SMYD4: variants seen among roughly 807,000 people sequenced by gnomAD.
SMYD4 encodes SET and MYND domain containing 4, also known as protein-lysine N-methyltransferase SMYD4.
A neutral mutation model predicts 72.8 loss-of-function variants in SMYD4; 68 were observed. The ratio of observed to expected loss-of-function variants is 0.93; its 90% CI spans 0.77 to 1.14. The LOEUF is 1.14. Among genes scored for constraint, SMYD4 ranks in the 50% most tolerant of loss-of-function variants. SMYD4 has a pLI of 0.00. For missense variants in SMYD4, 984 were observed against 1,003.7 expected (o/e 0.98, Z 0.27); for synonymous variants, 407 against 388.6 (o/e 1.05, Z -0.56).
At chr17:1,824,518 G>T (rs1040119363) in intron 2 of SMYD4, among the ~76,000 whole-genome samples, 1 of 152,116 alleles carries the variant, frequency 6.6e-6, no homozygotes, top group Non-Finnish European at 1.5e-5. Flanking sequence ...CTGTGTTGTC[G>T]GAGGGACCTG....
At chr17:1,822,226 T>C (rs1054827732) in intron 2 of SMYD4, among the ~76,000 whole-genome samples, 1 of 152,054 alleles carries the variant, frequency 6.6e-6, no homozygotes, top group Admixed American at 6.6e-5. Flanking sequence ...AGAGTGAGAC[T>C]CTGACTCAAC....
intron 4 of SMYD4, among the ~76,000 whole-genome samples, chr17:1,803,037 A>AC (rs1231911277): frequency 2.6e-5 from 4 of 152,170 alleles, no homozygotes; most frequent in Non-Finnish European, 5.9e-5. Context: ...CCAGCTACTC[A>AC]GAGGCTGAGG....
chr17:1,813,793 C>T (rs1332493530), intron 2 of SMYD4, among the ~76,000 whole-genome samples: 1 of 149,968 alleles, frequency 6.7e-6, no homozygotes, highest in Non-Finnish European at 1.5e-5. Flanking sequence ...AAATGCTCTA[C>T]AAAATTAATA....
rs997249038 is a variant in SMYD4 at position 1,779,824 on chromosome 17, TTC to T, written c.*1460_*1461del. 45 of 152,778 alleles carry T rather than the reference TTC, an allele frequency of 2.9e-4. 1 individual carries two copies. Among genetic ancestry groups the T allele is most frequent in the Admixed American group, 2.5e-3 (39 of 15,298 alleles). 9.5% of individuals were successfully genotyped at this position (152,778 alleles called of 1,614,324 possible). A position where few individuals can be genotyped will look rare whatever the true frequency, so the allele number is the denominator to read the frequency against. On this transcript the variant is annotated 3_prime_UTR_variant, in exon 11 of 11. Transcript: ENST00000305513. ...GGCTTGCTGATTTCTTGTTTTATAATTCTTTTTTAATTACAATGTAACTACTA... is the reference window on the plus strand; with the variant it reads ...GGCTTGCTGATTTCTTGTTTTATAATTTTTTTAATTACAATGTAACTACTA...
Position 1,783,177 on chromosome 17 carries a change from C to G in SMYD4, c.2138-19G>C. ...CAGTCTCCTGTGAGAAGAGAAAAATCTTGTTCCAGAAAAGAACCACTGTCA... is the reference window on the plus strand; with the variant it reads ...CAGTCTCCTGTGAGAAGAGAAAAATGTTGTTCCAGAAAAGAACCACTGTCA... On this transcript the variant is annotated intron_variant, in intron 9 of 10. Coordinates refer to ENST00000305513, the MANE Select transcript of SMYD4 (RefSeq NM_052928.3). 6.2e-7 allele frequency: 1 copy of G among 1,613,904 alleles called. No individual in the cohort carries two copies. The highest frequency in any genetic ancestry group is 8.5e-7 in the Non-Finnish European group (1 of 1,179,982).
At chr17:1,815,641 C>G (rs1392755297) in intron 2 of SMYD4, among the ~76,000 whole-genome samples, 1 of 144,096 alleles carries the variant, frequency 6.9e-6, no homozygotes, top group Non-Finnish European at 1.5e-5. Context: ...CCAGTCAGCA[C>G]AGCAAGACCC....
chr17:1,801,047 A>G (rs371451561), intron 4 of SMYD4, 23 bp from the exon 5 acceptor site: 21 of 1,574,466 alleles, frequency 1.3e-5, no homozygotes, highest in Non-Finnish European at 1.6e-5. Context: ...AGAAAATCCC[A>G]CAATGACCCT....
chr17:1,813,590 A>G (rs868401512), intron 2 of SMYD4, among the ~76,000 whole-genome samples: 4 of 151,834 alleles, frequency 2.6e-5, no homozygotes, highest in Non-Finnish European at 5.9e-5. Flanking sequence ...AATTTTTTGT[A>G]TATTTAGTAG....
At chr17:1,799,651 G>C (rs1379237401) in intron 5 of SMYD4, among the ~76,000 whole-genome samples, 2 of 152,106 alleles carry the variant, frequency 1.3e-5, no homozygotes, top group African/African-American at 4.8e-5. Context: ...TGGGATTATA[G>C]GAGTGGGCCA....
chr17:1,783,996 T>C (rs1191494752), intron 8 of SMYD4: 2 of 323,744 alleles, frequency 6.2e-6, no homozygotes, highest in Non-Finnish European at 5.8e-6. Flanking sequence ...CACTAGGCCC[T>C]GGAATTAAAA....
rs371802508 is a variant in SMYD4 at position 1,782,998 on chromosome 17, A to G, written c.2261+37T>C. The stretch of plus-strand genomic sequence containing the variant: ...AATACCCAGAAGAGCCTAGGAAAGG[A>G]ACAGTGTGTGCCCTGTGAAGTGGGA... On this transcript the variant is annotated intron_variant, in intron 10 of 10. Transcript: ENST00000305513. 30 of 1,589,194 alleles carry G rather than the reference A, an allele frequency of 1.9e-5. No homozygotes were observed. The African/African-American group carries it at 4.0e-4, about 21-fold the overall frequency.
At chr17:1,794,095 ATATATATATAT>A (rs1909247422) in intron 5 of SMYD4, among the ~76,000 whole-genome samples, 2 of 18,516 alleles carry the variant, frequency 1.1e-4, no homozygotes, top group African/African-American at 3.8e-4. Flanking sequence ...ATATATATAT[ATATATATATAT>A]TTTTTTTTTT....
intron 3 of SMYD4, among the ~76,000 whole-genome samples, chr17:1,808,788 C>A (rs1293920859): frequency 6.6e-6 from 1 of 152,122 alleles, no homozygotes; most frequent in African/African-American, 2.4e-5. Context: ...GAGATTAGCT[C>A]TGAAAAAAGA....
intron 2 of SMYD4, among the ~76,000 whole-genome samples, chr17:1,824,585 G>C (rs762612028): frequency 6.6e-6 from 1 of 152,032 alleles, no homozygotes; most frequent in Non-Finnish European, 1.5e-5. Context: ...GTGATAGTGA[G>C]TGAGTTCTCA....
At position 1,805,343 on chromosome 17, in the gene SMYD4, G is replaced by A. The variant is rs139313692; in HGVS notation, c.280-628C>T. ...TGAGGCATGAGAATGGCTTGAACCT[G>A]GGAGGTGGAGGTTAGGTTGCAGTGA... is the stretch of plus-strand genomic sequence containing the variant. On this transcript the variant is annotated intron_variant, in intron 3 of 10. Transcript: ENST00000305513. Among the ~76,000 whole-genome samples the A allele has an allele frequency of 3.5e-3, 531 of 152,122 alleles. 5 individuals carry two copies. Among genetic ancestry groups the A allele is most frequent in the African/African-American group, 0.012 (510 of 41,520 alleles).
At chr17:1,804,488 T>A (rs2151238569) in intron 4 of SMYD4, 138 bp downstream of exon 4, 1 of 755,202 alleles carries the variant, frequency 1.3e-6, no homozygotes, top group Non-Finnish European at 2.2e-6. Context: ...TAGGTAGATA[T>A]TAATGTGCTT....
At chr17:1,828,800 T>C (rs1911350332) in intron 1 of SMYD4, among the ~76,000 whole-genome samples, 1 of 152,086 alleles carries the variant, frequency 6.6e-6, no homozygotes. Flanking sequence ...TTTCACCATG[T>C]TGGCCAGGCT....
In SMYD4 at chr17:1,812,130, G is replaced by A. The variant is rs1191756193; in HGVS notation, c.135-15C>T. 2 of 1,608,944 alleles carry A rather than the reference G, an allele frequency of 1.2e-6. No individual in the cohort carries two copies. Among genetic ancestry groups the A allele is most frequent in the Non-Finnish European group, 1.7e-6 (2 of 1,178,708 alleles). On this transcript the variant is annotated splice_polypyrimidine_tract_variant and intron_variant, in intron 2 of 10. Transcript: ENST00000305513. The stretch of plus-strand genomic sequence containing the variant: ...CATCCTCAGGTCTGCATGAAGAAAG[G>A]AGGAAACAAAGTAAGCAGAAATGTG...
chr17:1,795,319 TATCTATCTATCTATCTAATC>T (rs71375545), intron 5 of SMYD4, among the ~76,000 whole-genome samples: 51,541 of 151,448 alleles, frequency 0.34, 11,029 homozygotes, highest in Non-Finnish European at 0.49. Flanking sequence ...TCGCCCTGGC[TATCTATCTATCTATCTAATC>T]ATCTATCTAT....
Sources: allele counts gnomAD v4.1 joint callset (sites outside exome capture counted in the v4.1 genomes callset), GRCh38; gene constraint gnomAD v4.1.1; transcripts MANE v1.5; gene names NCBI Gene and HGNC (gene_info 2026-07-23, HGNC 2026-07-21).